Variants in RGS6 observed in about 807,000 individuals in gnomAD.
RGS6 encodes regulator of G protein signaling 6.
RGS6 carries 30 observed loss-of-function variants against 78.5 expected under a neutral mutation model. The ratio of observed to expected loss-of-function variants is 0.38; its 90% confidence interval spans 0.29 to 0.52. RGS6 has a LOEUF of 0.52. Among genes scored for constraint, RGS6 ranks in the 20% least tolerant of loss-of-function variants. The pLI is 0.85. For missense variants in RGS6, 495 were observed against 609.7 expected (o/e 0.81, Z 1.98); for synonymous variants, 206 against 206.0 (o/e 1.00, Z 0.00).
At chr14:72,364,426 C>T (rs1206714517) in intron 3 of RGS6, among the ~76,000 whole-genome samples, 1 of 152,196 alleles carries the variant, frequency 6.6e-6, no homozygotes, top group Non-Finnish European at 1.5e-5. Context: ...GGACAGTAAT[C>T]AGCCCACACT....
intron 3 of RGS6, among the ~76,000 whole-genome samples, chr14:72,406,853 G>A (rs569897587): frequency 2.6e-5 from 4 of 152,270 alleles, no homozygotes; most frequent in African/African-American, 9.6e-5. Flanking sequence ...ATTCAGTAAG[G>A]AGAATGAAGG....
At chr14:72,576,224 C>T in the RGS6 span, among the ~76,000 whole-genome samples, 1 of 152,174 alleles carries the variant, frequency 6.6e-6, no homozygotes, top group East Asian at 1.9e-4. Context: ...TCCTCCAGGT[C>T]CTATAAAACC....
At chr14:72,248,943 T>C (rs1376274484) in intron 2 of RGS6, among the ~76,000 whole-genome samples, 2 of 152,212 alleles carry the variant, frequency 1.3e-5, no homozygotes, top group African/African-American at 2.4e-5. Context: ...TTTGATTCTC[T>C]CCTAATAAGG....
chr14:72,113,116 C>T (rs1171585478), intron 2 of RGS6, among the ~76,000 whole-genome samples: 2 of 151,908 alleles, frequency 1.3e-5, no homozygotes, highest in East Asian at 3.9e-4. Flanking sequence ...ACACACACAC[C>T]CCACTTCATG....
intron 1 of RGS6, among the ~76,000 whole-genome samples, chr14:71,963,953 A>G (rs2093361012): frequency 1.3e-5 from 2 of 151,926 alleles, no homozygotes; most frequent in Non-Finnish European, 2.9e-5. Flanking sequence ...TTCAGCAGTG[A>G]CTGTGTCATT....
intron 2 of RGS6, among the ~76,000 whole-genome samples, chr14:72,316,027 G>A (rs895497846): frequency 1.3e-5 from 2 of 152,112 alleles, no homozygotes; most frequent in Non-Finnish European, 2.9e-5. Flanking sequence ...AATTCCCTGG[G>A]GAACATTTCT....
intron 2 of RGS6, among the ~76,000 whole-genome samples, chr14:72,332,457 A>G (rs2075259349): frequency 1.3e-5 from 2 of 152,202 alleles, no homozygotes; most frequent in Admixed American, 6.5e-5. Context: ...TCAAAACATC[A>G]CTTTTGTCAC....
At chr14:72,234,210 C>T (rs1366119849) in intron 2 of RGS6, among the ~76,000 whole-genome samples, 1 of 151,912 alleles carries the variant, frequency 6.6e-6, no homozygotes, top group East Asian at 2.0e-4. Context: ...AAGACAGGCT[C>T]ATCTCTTGAC....
chr14:72,497,128 G>A (rs2096655744), intron 13 of RGS6, among the ~76,000 whole-genome samples: 1 of 152,048 alleles, frequency 6.6e-6, no homozygotes, highest in Non-Finnish European at 1.5e-5. Flanking sequence ...CGTAGAAATG[G>A]TATGCATATT....
At chr14:72,395,062 T>C (rs2090888054) in intron 3 of RGS6, among the ~76,000 whole-genome samples, 1 of 152,190 alleles carries the variant, frequency 6.6e-6, no homozygotes, top group Non-Finnish European at 1.5e-5. Context: ...AATCAAATTA[T>C]TAGACATTTC....
At chr14:72,324,284 G>GA (rs1408533204) in intron 2 of RGS6, among the ~76,000 whole-genome samples, 7 of 150,854 alleles carry the variant, frequency 4.6e-5, no homozygotes, top group Non-Finnish European at 8.9e-5. Flanking sequence ...TACCTCTTTA[G>GA]AAAAAAATTA....
chr14:72,483,307 A>T (rs920932796), intron 12 of RGS6, among the ~76,000 whole-genome samples: 2 of 152,206 alleles, frequency 1.3e-5, no homozygotes, highest in African/African-American at 4.8e-5. Flanking sequence ...AAAATGTTTC[A>T]TTCCGTACCT....
chr14:72,355,843 G>A (rs1198523164), intron 3 of RGS6, among the ~76,000 whole-genome samples: 1 of 152,174 alleles, frequency 6.6e-6, no homozygotes, highest in Non-Finnish European at 1.5e-5. Context: ...ATGCCAGACA[G>A]CCAGAGCTCA....
At chr14:72,574,974 T>G in the RGS6 span, among the ~76,000 whole-genome samples, 33 of 152,106 alleles carry the variant, frequency 2.2e-4, no homozygotes, top group African/African-American at 7.5e-4. Context: ...CCCTGGTGAC[T>G]CAATGAATAT....
intron 15 of RGS6, among the ~76,000 whole-genome samples, chr14:72,518,879 A>G (rs530381149): frequency 3.2e-4 from 48 of 152,376 alleles, no homozygotes; most frequent in African/African-American, 1.1e-3. Flanking sequence ...GTAGTGAGTT[A>G]GCAGGGCCAT....
At chr14:72,416,019 G>T (rs1009707385) in intron 3 of RGS6, among the ~76,000 whole-genome samples, 3 of 151,898 alleles carry the variant, frequency 2.0e-5, no homozygotes, top group East Asian at 1.9e-4. Context: ...GGGGTGTTGC[G>T]TGCCTGTAAT....
At chr14:72,132,668 A>T (rs996711173) in intron 2 of RGS6, among the ~76,000 whole-genome samples, 11 of 151,852 alleles carry the variant, frequency 7.2e-5, no homozygotes, top group African/African-American at 2.7e-4. Flanking sequence ...TTTTAAACGG[A>T]TAATTAGGAA....
chr14:72,383,169 A>C (rs1367667850), intron 3 of RGS6, among the ~76,000 whole-genome samples: 1 of 92,674 alleles, frequency 1.1e-5, no homozygotes, highest in African/African-American at 3.7e-5. Context: ...AGCCATGAAA[A>C]AATTGTACAT....
chr14:72,129,285 C>T (rs958230005), intron 2 of RGS6, among the ~76,000 whole-genome samples: 3 of 152,134 alleles, frequency 2.0e-5, no homozygotes, highest in South Asian at 2.1e-4. Context: ...TGAGAGCTCC[C>T]GGAAAGCAAG....
Sources: allele counts gnomAD v4.1 joint callset (sites outside exome capture counted in the v4.1 genomes callset), GRCh38; gene constraint gnomAD v4.1.1; transcripts MANE v1.5; gene names NCBI Gene and HGNC (gene_info 2026-07-23, HGNC 2026-07-21).